The following AHCTF1 variants were observed in gnomAD, a reference collection of about 807,000 sequenced individuals.
AHCTF1 encodes AT-hook containing transcription factor 1, also known as protein ELYS.
A neutral mutation model predicts 248.4 loss-of-function variants in AHCTF1; 24 were observed. The observed-to-expected ratio is 0.10, with a 90% confidence interval of 0.07 to 0.14. The LOEUF is 0.14. Ranked by LOEUF, AHCTF1 falls within the 10% of genes least tolerant of loss-of-function variation. The pLI, the probability that AHCTF1 is intolerant of heterozygous loss-of-function variation, is 1.00. For synonymous variants in AHCTF1, 786 were observed against 929.8 expected, an observed-to-expected ratio of 0.85 and a Z score of 2.81; for missense variants, 2,206 against 2,636.2, an observed-to-expected ratio of 0.84 and a Z score of 3.57.
At chr1:246,892,924 G>A (rs1414229430) in intron 14 of AHCTF1, among the ~76,000 whole-genome samples, 2 of 152,072 alleles carry the variant, frequency 1.3e-5, no homozygotes, top group African/African-American at 4.8e-5. Context: ...GGGATTACAA[G>A]CCTGAGCCAC....
rs1292231788 is a variant in AHCTF1 at position 246,864,123 on chromosome 1, T to C, written c.3348-7A>G. ...AACAACCAAATCTAGCAGTCTGTAA[T>C]CAGAATGCGCATTTATTGAGTTATA... On this transcript the variant is annotated splice_region_variant and splice_polypyrimidine_tract_variant and intron_variant, in intron 26 of 35. Transcript: ENST00000648844. 6.2e-7 allele frequency: 1 copy of C among 1,611,788 alleles called. No homozygotes were observed. The highest frequency in any genetic ancestry group is 1.3e-5 in the African/African-American group (1 of 74,738).
In AHCTF1 at chr1:246,860,951, A is replaced by C. The variant is rs1661494001; in HGVS notation, c.4080T>G (p.Asp1360Glu). The change falls in exon 29 of 36, where the codon GAT becomes GAG. Residue 1360 changes from aspartate (D) to glutamate (E), a missense_variant. By Grantham distance (45) the Asp-to-Glu change is conservative. Coordinates refer to ENST00000648844, the MANE Select transcript of AHCTF1 (RefSeq NM_001323342.2). ...NVTEQTEKDGDKDVFASEVTP... is the reference protein window; with the variant it reads ...NVTEQTEKDGEKDVFASEVTP... Reference sequence around the variant, plus strand: ...TTACTTCTGATGCAAATACATCTTTATCTCCATCCTTTTCAGTTTGTTCAG... The same window carrying C: ...TTACTTCTGATGCAAATACATCTTTCTCTCCATCCTTTTCAGTTTGTTCAG... 1 of 1,613,298 alleles carries C rather than the reference A, an allele frequency of 6.2e-7. No individual in the cohort carries two copies. Among genetic ancestry groups the C allele is most frequent in the Admixed American group, 1.7e-5 (1 of 59,988 alleles).
rs1462041482 is a variant in AHCTF1, at chr1:246,850,220, T to C, written c.5786A>G (p.Gln1929Arg). ...NKQDDKSSDK[Q>R]LRIKHVRRVR... is the part of the protein sequence containing the mutation. Reference sequence around the variant, plus strand: ...CCTTCTAACATGTTTAATACGCAGCTGCTTGTCACTGGATTTATCATCTTG... The same window carrying C: ...CCTTCTAACATGTTTAATACGCAGCCGCTTGTCACTGGATTTATCATCTTG... The change falls in exon 33 of 36, where the codon CAG becomes CGG. Residue 1929 changes from glutamine to arginine, a missense_variant. Coordinates refer to ENST00000648844, the MANE Select transcript of AHCTF1 (RefSeq NM_001323342.2). 1 of 1,613,956 alleles carries C rather than the reference T, an allele frequency of 6.2e-7. No individual in the cohort carries two copies. The highest frequency in any genetic ancestry group is 8.5e-7 in the Non-Finnish European group (1 of 1,179,850).
At chr1:246,898,138 T>C (rs909324576) in intron 12 of AHCTF1, 70 bp downstream of exon 12, 1 of 1,584,868 alleles carries the variant, frequency 6.3e-7, no homozygotes, top group African/African-American at 1.4e-5. Flanking sequence ...ATCTAATACA[T>C]TTTTACTGTA....
chr1:246,868,467 C>G (rs1472065808), intron 24 of AHCTF1, among the ~76,000 whole-genome samples: 1 of 151,828 alleles, frequency 6.6e-6, no homozygotes. Context: ...GTTGGCCAGA[C>G]TGGTCTCAAA....
At chr1:246,920,628 A>G (rs1220933296) in intron 1 of AHCTF1, among the ~76,000 whole-genome samples, 1 of 151,502 alleles carries the variant, frequency 6.6e-6, no homozygotes, top group African/African-American at 2.4e-5. Flanking sequence ...AAATTAGCCG[A>G]GCGTGGTGGC....
intron 1 of AHCTF1, among the ~76,000 whole-genome samples, chr1:246,921,135 A>G (rs755581451): frequency 6.6e-5 from 10 of 152,188 alleles, no homozygotes; most frequent in African/African-American, 9.7e-5. Flanking sequence ...AGCAGAAAAT[A>G]CACGCAAAAT....
At chr1:246,922,838 C>G (rs1457203992) in intron 1 of AHCTF1, among the ~76,000 whole-genome samples, 1 of 150,964 alleles carries the variant, frequency 6.6e-6, no homozygotes, top group Non-Finnish European at 1.5e-5. Context: ...AAAAAAATAG[C>G]CGGGCGTGGT....
chr1:246,910,272 C>T (rs1252986292), intron 4 of AHCTF1, among the ~76,000 whole-genome samples: 1 of 152,194 alleles, frequency 6.6e-6, no homozygotes, highest in Non-Finnish European at 1.5e-5. Context: ...AAGAGGATTG[C>T]TGTACGTTCA....
Position 246,843,947 on chromosome 1 carries a change from ACTGTAT to A in AHCTF1, c.6392-25_6392-20del, listed in dbSNP as rs760867412. On this transcript the variant is annotated intron_variant, in intron 33 of 35. Coordinates refer to ENST00000648844, the MANE Select transcript of AHCTF1 (RefSeq NM_001323342.2). ...TTTTTAGCTAAAAAAAGTTGAAAAA[ACTGTAT>A]CTGTATCTTTATATATGTGTGTATA... 4 of 1,404,960 alleles carry A rather than the reference ACTGTAT, an allele frequency of 2.8e-6. No homozygotes were observed. The African/African-American group carries it at 4.4e-5, about 16-fold the overall frequency. 87.0% of individuals were successfully genotyped at this position (1,404,960 alleles called of 1,614,324 possible).
intron 14 of AHCTF1, 132 bp downstream of exon 14, chr1:246,894,527 G>T (rs1664431780): frequency 1.3e-6 from 1 of 748,630 alleles, no homozygotes; most frequent in Non-Finnish European, 2.1e-6. Context: ...TGGCGACAGA[G>T]CAAGACTCAG....
At chr1:246,903,134 C>G (rs532133843) in intron 7 of AHCTF1, among the ~76,000 whole-genome samples, 1 of 152,160 alleles carries the variant, frequency 6.6e-6, no homozygotes, top group Non-Finnish European at 1.5e-5. Context: ...TTTACTGATT[C>G]CCTGAAACCC....
At chr1:246,855,645 T>C (rs539034069) in intron 31 of AHCTF1, 85 bp downstream of exon 31, 33 of 1,059,934 alleles carry the variant, frequency 3.1e-5, no homozygotes, top group Middle Eastern at 3.1e-4. Context: ...AATAACACAA[T>C]AGATTATTTT....
chr1:246,899,782 C>T (rs1228455177), intron 10 of AHCTF1, among the ~76,000 whole-genome samples: 1 of 152,102 alleles, frequency 6.6e-6, no homozygotes, highest in Non-Finnish European at 1.5e-5. Flanking sequence ...CTATAAAATG[C>T]ACCAGATGTG....
intron 27 of AHCTF1, among the ~76,000 whole-genome samples, chr1:246,862,717 T>C (rs1002785866): frequency 6.6e-6 from 1 of 151,180 alleles, no homozygotes; most frequent in Admixed American, 6.6e-5. Context: ...AAGTGCCAAT[T>C]AGTAAGATAA....
At chr1:246,862,436 C>A (rs6672861) in intron 27 of AHCTF1, among the ~76,000 whole-genome samples, 12 of 151,166 alleles carry the variant, frequency 7.9e-5, no homozygotes, top group Admixed American at 7.9e-4. Flanking sequence ...GCCGAGATTG[C>A]GCCACTGCAC....
intron 1 of AHCTF1, among the ~76,000 whole-genome samples, chr1:246,921,265 TGAGA>T (rs975670325): frequency 6.6e-6 from 1 of 152,062 alleles, no homozygotes; most frequent in Non-Finnish European, 1.5e-5. Context: ...ACAGTGGATT[TGAGA>T]GAGAAAGCGG....
chr1:246,907,363 T>C (rs1228505559), intron 5 of AHCTF1, among the ~76,000 whole-genome samples, 188 bp downstream of exon 5: 1 of 152,238 alleles, frequency 6.6e-6, no homozygotes. Context: ...ATTCATGTGC[T>C]AAGTCACTCC....
chr1:246,900,775 T>A (rs1664938008), intron 8 of AHCTF1, among the ~76,000 whole-genome samples: 1 of 152,230 alleles, frequency 6.6e-6, no homozygotes, highest in Non-Finnish European at 1.5e-5. Context: ...ATGATTTGAA[T>A]GAACAGTCTC....
Sources: gnomAD v4.1 joint callset for allele counts (sites outside exome capture counted in the v4.1 genomes callset) on GRCh38, gnomAD v4.1.1 for gene constraint, MANE v1.5 for transcripts, NCBI Gene and HGNC (gene_info 2026-07-23, HGNC 2026-07-21) for gene names.